Variants in PTPRD observed in about 807,000 individuals in gnomAD.
The protein encoded by PTPRD is protein tyrosine phosphatase receptor type D.
PTPRD carries 34 observed loss-of-function variants against 214.5 expected under a neutral mutation model. The observed-to-expected ratio is 0.16, with a 90% CI of 0.12 to 0.21. PTPRD has a LOEUF of 0.21. PTPRD is among the 10% of genes least tolerant of loss of function. The probability of loss-of-function intolerance (pLI) is 1.00; values close to 1 mark genes in which losing one functional copy is unlikely to be tolerated. For missense variants in PTPRD, 2,545 were observed against 2,398.7 expected, an observed-to-expected ratio of 1.06 and a Z score of -1.27; for synonymous variants, 1,128 against 845.7, an observed-to-expected ratio of 1.33 and a Z score of -5.79.
At chr9:8,464,349 C>A (rs1339392345) in intron 32 of PTPRD, among the ~76,000 whole-genome samples, 2 of 151,994 alleles carry the variant, frequency 1.3e-5, no homozygotes, top group African/African-American at 4.8e-5. Context: ...TTAAAACCTT[C>A]AACTAGAAAG....
At chr9:9,590,200 G>T (rs990953268) in intron 7 of PTPRD, among the ~76,000 whole-genome samples, 7 of 151,852 alleles carry the variant, frequency 4.6e-5, no homozygotes, top group African/African-American at 1.7e-4. Context: ...AGCAAATACT[G>T]TTCTATGATC....
At chr9:10,435,765 C>T (rs928500346) in intron 2 of PTPRD, among the ~76,000 whole-genome samples, 15 of 151,784 alleles carry the variant, frequency 9.9e-5, no homozygotes, top group Non-Finnish European at 2.1e-4. Flanking sequence ...CACATTTTGG[C>T]TCTCAGCAAC....
intron 7 of PTPRD, among the ~76,000 whole-genome samples, chr9:9,664,641 G>T (rs536289897): frequency 4.9e-4 from 74 of 151,776 alleles, no homozygotes; most frequent in Non-Finnish European, 8.6e-4. Context: ...GAAAAGAACT[G>T]ATCAGTAGAA....
At position 9,423,030 on chromosome 9, in the gene PTPRD, T is replaced by C. The variant is rs547203670; in HGVS notation, c.-236-25548A>G. Among the ~76,000 whole-genome samples the C allele has an allele frequency of 6.6e-5, 10 of 152,290 alleles. No individual in the cohort carries two copies. The East Asian group carries it at 1.9e-3, about 29-fold the overall frequency. On this transcript the variant is annotated intron_variant, in intron 8 of 45. Coordinates refer to ENST00000381196, the MANE Select transcript of PTPRD (RefSeq NM_002839.4). Reference sequence around the variant, plus strand: ...AAGTTTGGGGAAACCAGAACAAAGCTGAGTCTAGACTTTGAAAATTCTAAA... The same window carrying C: ...AAGTTTGGGGAAACCAGAACAAAGCCGAGTCTAGACTTTGAAAATTCTAAA...
chr9:8,855,770 C>A (rs1229024335), intron 11 of PTPRD, among the ~76,000 whole-genome samples: 1 of 152,144 alleles, frequency 6.6e-6, no homozygotes, highest in Non-Finnish European at 1.5e-5. Flanking sequence ...ATTAATAACA[C>A]CCATTAATCC....
At chr9:9,495,975 A>C (rs535491534) in intron 8 of PTPRD, among the ~76,000 whole-genome samples, 23 of 152,274 alleles carry the variant, frequency 1.5e-4, no homozygotes, top group African/African-American at 5.5e-4. Context: ...GCCCCGCATG[A>C]AGCTTGCTCC....
At chr9:10,334,793 A>G (rs1225445321) in intron 3 of PTPRD, among the ~76,000 whole-genome samples, 1 of 151,654 alleles carries the variant, frequency 6.6e-6, no homozygotes, top group Non-Finnish European at 1.5e-5. Context: ...TGTCTTAACC[A>G]CCAGCAATTA....
intron 9 of PTPRD, among the ~76,000 whole-genome samples, chr9:9,345,744 C>T (rs550469084): frequency 5.2e-4 from 79 of 152,184 alleles, no homozygotes; most frequent in African/African-American, 1.8e-3. Flanking sequence ...CATTCGGTTC[C>T]TCCATTTTTT....
intron 9 of PTPRD, among the ~76,000 whole-genome samples, chr9:9,376,372 T>C (rs762671117): frequency 2.6e-5 from 4 of 152,236 alleles, no homozygotes; most frequent in Non-Finnish European, 5.9e-5. Flanking sequence ...ACTTAATCAG[T>C]GATTACTAAA....
At chr9:9,106,321 A>G (rs2099798488) in intron 10 of PTPRD, among the ~76,000 whole-genome samples, 2 of 152,034 alleles carry the variant, frequency 1.3e-5, no homozygotes. Context: ...TTAATACAAT[A>G]ATAACAATAG....
intron 10 of PTPRD, among the ~76,000 whole-genome samples, chr9:9,052,499 TGA>T (rs2099688068): frequency 6.6e-6 from 1 of 152,164 alleles, no homozygotes; most frequent in Non-Finnish European, 1.5e-5. Context: ...GTTCAATGTA[TGA>T]GTAAAACTAT....
intron 2 of PTPRD, among the ~76,000 whole-genome samples, chr9:10,421,600 T>C (rs1315813716): frequency 6.6e-6 from 1 of 151,890 alleles, no homozygotes; most frequent in Non-Finnish European, 1.5e-5. Context: ...GTTTAGGTTT[T>C]ATATACTAGT....
At chr9:8,436,348 A>T (rs1349557575) in intron 35 of PTPRD, among the ~76,000 whole-genome samples, 1 of 150,066 alleles carries the variant, frequency 6.7e-6, no homozygotes, top group Non-Finnish European at 1.5e-5. Context: ...TAAAAATAAA[A>T]AACAGAAAAT....
chr9:9,064,141 G>A (rs2099717864), intron 10 of PTPRD, among the ~76,000 whole-genome samples: 1 of 151,926 alleles, frequency 6.6e-6, no homozygotes, highest in African/African-American at 2.4e-5. Flanking sequence ...ATATAACTGA[G>A]CTTTACAAAA....
intron 3 of PTPRD, among the ~76,000 whole-genome samples, chr9:10,042,776 C>T (rs1248952295): frequency 6.6e-6 from 1 of 151,852 alleles, no homozygotes; most frequent in Non-Finnish European, 1.5e-5. Flanking sequence ...CCCACCAGAC[C>T]TCATTCAAAT....
chr9:10,271,111 A>T (rs2094393810), intron 3 of PTPRD, among the ~76,000 whole-genome samples: 1 of 152,200 alleles, frequency 6.6e-6, no homozygotes, highest in Admixed American at 6.5e-5. Flanking sequence ...GACCTGAACC[A>T]TGGTGCCTGG....
At chr9:8,777,045 A>AC (rs1555322292) in intron 11 of PTPRD, among the ~76,000 whole-genome samples, 1 of 150,766 alleles carries the variant, frequency 6.6e-6, no homozygotes, top group Non-Finnish European at 1.5e-5. Context: ...CAGTGGCAGG[A>AC]TCACGGCTCA....
At chr9:9,407,240 C>A (rs927505940) in intron 8 of PTPRD, among the ~76,000 whole-genome samples, 1 of 151,586 alleles carries the variant, frequency 6.6e-6, no homozygotes, top group Non-Finnish European at 1.5e-5. Context: ...TGAGCATCGA[C>A]CATGATGACA....
At chr9:9,969,225 G>C (rs2094924225) in intron 4 of PTPRD, among the ~76,000 whole-genome samples, 1 of 152,084 alleles carries the variant, frequency 6.6e-6, no homozygotes, top group Admixed American at 6.6e-5. Context: ...TCTGAAGAAA[G>C]AGAAAAAGGC....
Sources: allele counts gnomAD v4.1 joint callset (sites outside exome capture counted in the v4.1 genomes callset), GRCh38; gene constraint gnomAD v4.1.1; transcripts MANE v1.5; gene names NCBI Gene and HGNC (gene_info 2026-07-23, HGNC 2026-07-21).